ANKS1B: variants seen among roughly 807,000 people sequenced by gnomAD.
ANKS1B encodes ankyrin repeat and sterile alpha motif domain-containing protein 1B.
Under a neutral mutation model 148.3 loss-of-function variants are expected in ANKS1B, and 36 were observed. The observed-to-expected ratio is 0.24, with a 90% CI of 0.19 to 0.32. ANKS1B has a LOEUF of 0.32. Ranked by LOEUF, ANKS1B falls within the 10% of genes least tolerant of loss-of-function variation. The pLI, the probability that ANKS1B is intolerant of heterozygous loss-of-function variation, is 1.00. For synonymous variants in ANKS1B, 542 were observed against 560.8 expected (o/e 0.97, Z 0.47); for missense variants, 1,157 against 1,542.6 (o/e 0.75, Z 4.19).
chr12:99,963,548 G>T (rs2095444821), intron 1 of ANKS1B, among the ~76,000 whole-genome samples: 1 of 152,128 alleles, frequency 6.6e-6, no homozygotes, highest in Non-Finnish European at 1.5e-5. Context: ...TAACTGCAAT[G>T]AATTATTTCT....
intron 9 of ANKS1B, among the ~76,000 whole-genome samples, chr12:99,513,457 G>A (rs2096786749): frequency 6.6e-6 from 1 of 151,926 alleles, no homozygotes; most frequent in Admixed American, 6.6e-5. Flanking sequence ...CTATCTGGTA[G>A]GATAAATCTT....
intron 8 of ANKS1B, among the ~76,000 whole-genome samples, chr12:99,715,219 C>A (rs182134115): frequency 7.1e-4 from 108 of 152,292 alleles, no homozygotes; most frequent in African/African-American, 2.5e-3. Context: ...ATCATATCCC[C>A]TGTAACCTGC....
At chr12:98,798,869 A>G in intron 22 of ANKS1B, 65 bp downstream of exon 22, 2 of 1,371,716 alleles carry the variant, frequency 1.5e-6, no homozygotes, top group Non-Finnish European at 2.0e-6. Context: ...AAAGGTGGCA[A>G]TTTGTATCCA....
At chr12:99,244,021 T>TA (rs907440578) in intron 14 of ANKS1B, among the ~76,000 whole-genome samples, 19 of 146,754 alleles carry the variant, frequency 1.3e-4, no homozygotes, top group Admixed American at 8.2e-4. Context: ...AGTATAATAA[T>TA]AAAAAAAAGA....
At position 98,932,763 on chromosome 12, in the gene ANKS1B, A is replaced by G. The variant is rs1263365429; in HGVS notation, c.2779-100627T>C. On this transcript the variant is annotated intron_variant, in intron 17 of 26. Transcript: ENST00000683438. ...ATAAATTTGAAACTTGCATTAAATA[A>G]GAATAAATTGATTTTTTTCTCCTTC... Among the ~76,000 whole-genome samples the G allele has an allele frequency of 2.0e-5, 3 of 152,332 alleles. No individual in the cohort carries two copies. In the East Asian group the frequency reaches 5.8e-4, roughly 29 times the overall value.
rs377374354 is a variant in ANKS1B, at chr12:99,554,401, G to A, written c.1273-49760C>T. Reference sequence around the variant, plus strand: ...TTTCTCTCCCACGTTAGTATCTAAAGAGTCTGTAATTACAGAACCTACAAA... The same window carrying A: ...TTTCTCTCCCACGTTAGTATCTAAAAAGTCTGTAATTACAGAACCTACAAA... On this transcript the variant is annotated intron_variant, in intron 9 of 26. Transcript: ENST00000683438. Among the ~76,000 whole-genome samples the A allele has an allele frequency of 1.0e-3, 154 of 152,280 alleles. 1 individual carries two copies. The South Asian group carries it at 0.029, about 29-fold the overall frequency.
Position 98,796,575 on chromosome 12 carries a change from T to C in ANKS1B, c.3342+2359A>G, listed in dbSNP as rs1189502556. ...AGTTCCAGATAGCAGATCAACCCTA[T>C]GCTTCTGGTTTTGAAAGACTCTGGT... On this transcript the variant is annotated intron_variant, in intron 22 of 26. Transcript: ENST00000683438. 3.9e-5 allele frequency among the ~76,000 whole-genome samples: 6 copies of C among 152,322 alleles called. No individual in the cohort carries two copies. The South Asian group carries it at 1.0e-3, about 26-fold the overall frequency.
chr12:99,650,849 A>G (rs1209647622), intron 9 of ANKS1B, among the ~76,000 whole-genome samples: 2 of 152,120 alleles, frequency 1.3e-5, no homozygotes, highest in African/African-American at 4.8e-5. Context: ...CCAATATTCT[A>G]ATTTTGCAAG....
rs1021599585 is a variant in ANKS1B at position 99,441,905 on chromosome 12, C to T, written c.1575+1768G>A. Reference sequence around the variant, plus strand: ...TGCCTCAGTTATTCAGATCATGGATCTATAGAAAAGAATCTGTTTTTCATT... The same window carrying T: ...TGCCTCAGTTATTCAGATCATGGATTTATAGAAAAGAATCTGTTTTTCATT... On this transcript the variant is annotated intron_variant, in intron 11 of 26. Transcript: ENST00000683438. Among the ~76,000 whole-genome samples, 8 of 151,964 alleles carry T rather than the reference C, an allele frequency of 5.3e-5. No homozygotes were observed. In the South Asian group the frequency reaches 1.7e-3, roughly 32 times the overall value.
chr12:99,130,679 A>T (rs1011781000), intron 15 of ANKS1B, among the ~76,000 whole-genome samples: 6 of 152,270 alleles, frequency 3.9e-5, no homozygotes, highest in South Asian at 4.1e-4. Context: ...CCACATTTTG[A>T]ACGGATTAAG....
rs550807613 is a variant in ANKS1B, at chr12:98,735,867, G to A, written c.691-233C>T. ...GTACAAGCGGAGGGGAAGGGGTTAC[G>A]GTTTTAGATGGACTGGCTCTTTCAG... On this transcript the variant is annotated intron_variant, in intron 9 of 9. Coordinates refer to the ANKS1B transcript ENST00000341752. Among the ~76,000 whole-genome samples the A allele has an allele frequency of 4.6e-5, 7 of 152,234 alleles. No individual in the cohort carries two copies. In the South Asian group the frequency reaches 6.2e-4, roughly 14 times the overall value.
chr12:99,204,611 C>A (rs989661050), intron 14 of ANKS1B, among the ~76,000 whole-genome samples: 3 of 152,180 alleles, frequency 2.0e-5, no homozygotes, highest in South Asian at 4.1e-4. Context: ...TAAATGCAGG[C>A]GTGTGCTTGA....
At chr12:98,784,596 C>T (rs1177268493) in intron 22 of ANKS1B, among the ~76,000 whole-genome samples, 1 of 152,062 alleles carries the variant, frequency 6.6e-6, no homozygotes, top group African/African-American at 2.4e-5. Context: ...ATGGTGGCAG[C>T]AGCTGGAGAG....
rs142503092 is a variant in ANKS1B, at chr12:99,221,401, T to C, written c.2419+22941A>G. ...AAATCAGTGTAAGTTAAGTTGCAAG[T>C]AAATGAAAAACTGAGGAAAGATAAT... On this transcript the variant is annotated intron_variant, in intron 14 of 26. Transcript: ENST00000683438. Among the ~76,000 whole-genome samples, 119 of 152,240 alleles carry C rather than the reference T, an allele frequency of 7.8e-4. 1 individual carries two copies. The East Asian group carries it at 0.018, about 23-fold the overall frequency.
chr12:98,747,327 G>A (rs185974980), intron 26 of ANKS1B, among the ~76,000 whole-genome samples: 9 of 152,226 alleles, frequency 5.9e-5, no homozygotes, highest in African/African-American at 1.9e-4. Flanking sequence ...ACATACAAAC[G>A]GCCAACAGGT....
intron 15 of ANKS1B, among the ~76,000 whole-genome samples, chr12:99,151,312 A>C (rs1214268032): frequency 3.9e-5 from 6 of 152,024 alleles, no homozygotes; most frequent in South Asian, 2.1e-4. Flanking sequence ...CGGATCATTT[A>C]AGATCAGGAG....
At chr12:99,490,972 G>A (rs1401638432) in intron 10 of ANKS1B, among the ~76,000 whole-genome samples, 4 of 152,224 alleles carry the variant, frequency 2.6e-5, no homozygotes, top group African/African-American at 9.6e-5. Flanking sequence ...CCCAATTAAT[G>A]TTGTATGCAG....
At chr12:99,824,471 G>A (rs2082910517) in intron 2 of ANKS1B, among the ~76,000 whole-genome samples, 1 of 151,616 alleles carries the variant, frequency 6.6e-6, no homozygotes, top group Non-Finnish European at 1.5e-5. Flanking sequence ...CTGCACTCCA[G>A]CCTGGGCGAA....
intron 25 of ANKS1B, among the ~76,000 whole-genome samples, chr12:98,757,116 C>T (rs956535801): frequency 6.6e-6 from 1 of 152,066 alleles, no homozygotes; most frequent in Non-Finnish European, 1.5e-5. Context: ...GAGCTAGCCA[C>T]AAGGAGAGGC....
Sources: gnomAD v4.1 joint callset for allele counts (sites outside exome capture counted in the v4.1 genomes callset) on GRCh38, gnomAD v4.1.1 for gene constraint, MANE v1.5 for transcripts, NCBI Gene and HGNC (gene_info 2026-07-23, HGNC 2026-07-21) for gene names.